The following LAMA2 variants were observed in gnomAD, a reference collection of about 807,000 sequenced individuals.
The protein encoded by LAMA2 is laminin subunit alpha-2.
In LAMA2, 269 loss-of-function variants were observed where a neutral mutation model predicts 364.8. The observed-to-expected ratio is 0.74, with a 90% CI of 0.67 to 0.82. The LOEUF (loss-of-function observed/expected upper bound fraction) is 0.82. Among genes scored for constraint, LAMA2 ranks in the 40% least tolerant of loss-of-function variants. LAMA2 has a pLI of 0.00. For synonymous variants in LAMA2, 1,379 were observed against 1,370.6 expected (o/e 1.01, Z -0.14); for missense variants, 3,807 against 3,873.2 (o/e 0.98, Z 0.45).
At chr6:129,263,665 T>G (rs1372103624) in intron 15 of LAMA2, among the ~76,000 whole-genome samples, 1 of 152,184 alleles carries the variant, frequency 6.6e-6, no homozygotes. Flanking sequence ...TTTATTCTCA[T>G]GGCATGGAAC....
intron 1 of LAMA2, among the ~76,000 whole-genome samples, chr6:128,982,072 T>C (rs1782922672): frequency 6.6e-6 from 1 of 152,242 alleles, no homozygotes; most frequent in African/African-American, 2.4e-5. Flanking sequence ...GGATGTCTTC[T>C]TTATTAGCTT....
At chr6:129,084,957 G>A (rs1267682923) in intron 3 of LAMA2, among the ~76,000 whole-genome samples, 1 of 152,068 alleles carries the variant, frequency 6.6e-6, no homozygotes, top group African/African-American at 2.4e-5. Context: ...CCATTCACAT[G>A]GACTCAGTTT....
At chr6:129,189,165 T>A (rs1781395893) in intron 10 of LAMA2, among the ~76,000 whole-genome samples, 1 of 152,068 alleles carries the variant, frequency 6.6e-6, no homozygotes, top group South Asian at 2.1e-4. Context: ...AATACTTTTT[T>A]GTGGTTGTGA....
intron 3 of LAMA2, among the ~76,000 whole-genome samples, chr6:129,061,946 G>A (rs964212465): frequency 6.6e-6 from 1 of 152,064 alleles, no homozygotes; most frequent in Admixed American, 6.5e-5. Context: ...GGGAATTCAA[G>A]TAATCTCTAA....
At chr6:129,017,456 AGT>A (rs1336264226) in intron 1 of LAMA2, among the ~76,000 whole-genome samples, 5 of 146,934 alleles carry the variant, frequency 3.4e-5, no homozygotes, top group Non-Finnish European at 6.0e-5. Flanking sequence ...CTATTGAAAA[AGT>A]GTATTATGGA....
At chr6:129,213,571 T>A (rs1783236161) in intron 12 of LAMA2, among the ~76,000 whole-genome samples, 1 of 152,244 alleles carries the variant, frequency 6.6e-6, no homozygotes, top group Non-Finnish European at 1.5e-5. Flanking sequence ...TCAGCTATTC[T>A]AATAGATATG....
At chr6:128,937,325 C>A (rs967549567) in intron 1 of LAMA2, among the ~76,000 whole-genome samples, 51 of 152,066 alleles carry the variant, frequency 3.4e-4, no homozygotes, top group African/African-American at 1.2e-3. Context: ...CTGTAATTTT[C>A]TTTATTTGTA....
chr6:129,303,086 A>G (rs903602934), intron 22 of LAMA2, among the ~76,000 whole-genome samples: 44 of 152,290 alleles, frequency 2.9e-4, no homozygotes, highest in Admixed American at 2.3e-3. Flanking sequence ...CCAGTGTATG[A>G]ACATGGCATA....
intron 1 of LAMA2, among the ~76,000 whole-genome samples, chr6:128,928,312 T>G (rs1452386036): frequency 6.6e-6 from 1 of 152,364 alleles, no homozygotes; most frequent in South Asian, 2.1e-4. Flanking sequence ...TTTAATTAGG[T>G]TCACTGCTCT....
chr6:129,155,208 A>T (rs1411530883), intron 8 of LAMA2, among the ~76,000 whole-genome samples: 1 of 152,146 alleles, frequency 6.6e-6, no homozygotes, highest in East Asian at 1.9e-4. Context: ...ATTTTATACT[A>T]GTTATTTTAT....
At chr6:128,973,838 C>A (rs1410987328) in intron 1 of LAMA2, among the ~76,000 whole-genome samples, 1 of 152,098 alleles carries the variant, frequency 6.6e-6, no homozygotes, top group Non-Finnish European at 1.5e-5. Context: ...GTAACTATGG[C>A]AACTCACTGA....
Position 129,280,164 on chromosome 6 carries a change from CT to C in LAMA2, c.2537+18del. 6.7e-7 allele frequency: 1 copy of C among 1,487,762 alleles called. No individual in the cohort carries two copies. Among genetic ancestry groups the C allele is most frequent in the Non-Finnish European group, 9.4e-7 (1 of 1,064,952 alleles). 92.2% of individuals were successfully genotyped at this position (1,487,762 alleles called of 1,614,324 possible). ...CTGTGAGAGGTAAGAGTATACTACA[CT>C]GTCTTGCAAAATGATTTCTACCTTG... On this transcript the variant is annotated intron_variant, in intron 18 of 64. Coordinates refer to ENST00000421865, the MANE Select transcript of LAMA2 (RefSeq NM_000426.4).
chr6:129,330,469 C>T (rs1229830104), intron 29 of LAMA2, among the ~76,000 whole-genome samples: 1 of 151,986 alleles, frequency 6.6e-6, no homozygotes, highest in Non-Finnish European at 1.5e-5. Context: ...TTTTCCCTAG[C>T]ACTACTCCTG....
At chr6:129,462,177 T>C (rs1459051338) in intron 49 of LAMA2, among the ~76,000 whole-genome samples, 1 of 152,002 alleles carries the variant, frequency 6.6e-6, no homozygotes, top group African/African-American at 2.4e-5. Flanking sequence ...TCATACAAGA[T>C]TGGCAAATGG....
intron 3 of LAMA2, among the ~76,000 whole-genome samples, chr6:129,093,584 G>A (rs974491717): frequency 2.0e-5 from 3 of 152,064 alleles, no homozygotes; most frequent in Non-Finnish European, 2.9e-5. Flanking sequence ...TGAGACTAAA[G>A]GATTCTTAAG....
intron 56 of LAMA2, among the ~76,000 whole-genome samples, chr6:129,488,455 A>G (rs7745354): frequency 0.63 from 95,543 of 151,654 alleles, 31,090 homozygotes; most frequent in Non-Finnish European, 0.72. Context: ...GCATTACACT[A>G]TTGTACCACT....
At chr6:129,162,685 T>C (rs1207395500) in intron 8 of LAMA2, among the ~76,000 whole-genome samples, 5 of 152,144 alleles carry the variant, frequency 3.3e-5, no homozygotes, top group African/African-American at 1.2e-4. Flanking sequence ...GTTCTATATA[T>C]ATATATCTTT....
chr6:129,481,029 AG>A (rs1784319975), intron 54 of LAMA2, among the ~76,000 whole-genome samples: 1 of 152,214 alleles, frequency 6.6e-6, no homozygotes. Context: ...CTAGAATAAA[AG>A]TAGAGGCTAT....
intron 1 of LAMA2, among the ~76,000 whole-genome samples, chr6:128,972,909 A>T (rs1319684332): frequency 6.6e-6 from 1 of 152,064 alleles, no homozygotes; most frequent in Non-Finnish European, 1.5e-5. Context: ...AAAAATATTG[A>T]GGTTATTTTA....
Sources: gnomAD v4.1 joint callset for allele counts (sites outside exome capture counted in the v4.1 genomes callset) on GRCh38, gnomAD v4.1.1 for gene constraint, MANE v1.5 for transcripts, NCBI Gene and HGNC (gene_info 2026-07-23, HGNC 2026-07-21) for gene names.